Variants in PLSCR5 observed in about 807,000 individuals in gnomAD.
The protein encoded by PLSCR5 is phospholipid scramblase family member 5, also known as phospholipid scramblase family, member 5.
PLSCR5 carries 44 observed loss-of-function variants against 33.6 expected under a neutral mutation model. The ratio of observed to expected loss-of-function variants is 1.31; its 90% CI spans 1.03 to 1.69. The LOEUF is 1.69. PLSCR5 is among the 40% of genes most tolerant of loss of function. The pLI is 0.00. For missense variants in PLSCR5, 375 were observed against 318.7 expected (o/e 1.18, Z -1.34); for synonymous variants, 148 against 112.3 (o/e 1.32, Z -2.01).
At chr3:146,578,023 T>C (rs1479820480) in intron 7 of PLSCR5, among the ~76,000 whole-genome samples, 1 of 152,126 alleles carries the variant, frequency 6.6e-6, no homozygotes. Flanking sequence ...TATGGTATAG[T>C]TTAAAACATT....
chr3:146,591,784 T>C lies in PLSCR5; in HGVS notation c.551A>G (p.Glu184Gly), dbSNP rs751177861. The C allele has an allele frequency of 1.9e-6, 3 of 1,612,176 alleles. No individual in the cohort carries two copies. The highest frequency in any genetic ancestry group is 2.2e-5 in the South Asian group (2 of 90,812). The part of the protein sequence containing the change: ...PKFTIQNANK[E>G]DILKIVGPCV... ...AGGACCAACAATTTTCAAAATATCT[T>C]CTTTGTTTGCATTTTGGATTGTGAA... is the stretch of plus-strand genomic sequence containing the variant. The change falls in exon 5 of 8, where the codon GAA (glutamate) becomes GGA (glycine). Residue 184 changes from glutamate to glycine, a missense_variant. By Grantham distance (98) the Glu-to-Gly change is moderately conservative. Transcript: ENST00000443512.
intron 7 of PLSCR5, among the ~76,000 whole-genome samples, chr3:146,577,387 T>C (rs1038235829): frequency 6.6e-6 from 1 of 152,126 alleles, no homozygotes; most frequent in African/African-American, 2.4e-5. Flanking sequence ...GCGATCAGGA[T>C]GCAACATACA....
intron 6 of PLSCR5, among the ~76,000 whole-genome samples, chr3:146,588,544 T>G (rs181992382): frequency 1.3e-5 from 2 of 150,916 alleles, no homozygotes; most frequent in South Asian, 2.1e-4. Context: ...CACATGCATG[T>G]GCACATGTTC....
exon 8 of PLSCR5, chr3:146,576,559 A>C (rs575931058): frequency 2.1e-4 from 32 of 152,068 alleles, no homozygotes; most frequent in Non-Finnish European, 4.1e-4. Context: ...ACAAAGTAAA[A>C]CAAAGTAATT....
At chr3:146,599,437 C>T (rs2107858237) in intron 2 of PLSCR5, among the ~76,000 whole-genome samples, 1 of 152,060 alleles carries the variant, frequency 6.6e-6, no homozygotes, top group African/African-American at 2.4e-5. Flanking sequence ...AACAACCTCT[C>T]TCTCCTCTAT....
intron 4 of PLSCR5, 28 bp from the exon 5 acceptor site, chr3:146,591,909 G>C (rs1452007855): frequency 6.6e-7 from 1 of 1,520,456 alleles, no homozygotes; most frequent in Admixed American, 2.1e-5. Flanking sequence ...GATAAAATAA[G>C]ATTTTCTTAG....
intron 6 of PLSCR5, among the ~76,000 whole-genome samples, chr3:146,586,351 C>G (rs1427031603): frequency 2.6e-5 from 4 of 152,090 alleles, no homozygotes; most frequent in African/African-American, 9.7e-5. Context: ...ATGGTATTGT[C>G]AAAGTGTTCC....
intron 7 of PLSCR5, among the ~76,000 whole-genome samples, chr3:146,577,334 T>G (rs2044604994): frequency 6.6e-6 from 1 of 152,124 alleles, no homozygotes; most frequent in African/African-American, 2.4e-5. Flanking sequence ...GGGACTTGAC[T>G]CCATGGATGT....
At chr3:146,597,969 A>G (rs1199274237) in intron 2 of PLSCR5, among the ~76,000 whole-genome samples, 1 of 152,148 alleles carries the variant, frequency 6.6e-6, no homozygotes, top group East Asian at 1.9e-4. Context: ...CTTTGACACT[A>G]TACAGTAAAA....
At chr3:146,598,804 C>T (rs1013080401) in intron 2 of PLSCR5, among the ~76,000 whole-genome samples, 24 of 152,178 alleles carry the variant, frequency 1.6e-4, no homozygotes, top group African/African-American at 5.8e-4. Flanking sequence ...GGTAGGTTTG[C>T]GTTTCCAGCT....
chr3:146,598,491 C>A (rs2044782249), intron 2 of PLSCR5, among the ~76,000 whole-genome samples: 1 of 152,098 alleles, frequency 6.6e-6, no homozygotes, highest in South Asian at 2.1e-4. Flanking sequence ...GAATGATTAA[C>A]AAAGGTATAT....
downstream of PLSCR5, among the ~76,000 whole-genome samples, chr3:146,581,278 G>A (rs747670783): frequency 1.4e-4 from 21 of 152,068 alleles, no homozygotes; most frequent in Admixed American, 3.9e-4. Flanking sequence ...CAAGTAATAA[G>A]TTCAGCTTAT....
chr3:146,603,208 T>C (rs1196703535), intron 1 of PLSCR5, among the ~76,000 whole-genome samples: 2 of 152,144 alleles, frequency 1.3e-5, no homozygotes, highest in East Asian at 1.9e-4. Context: ...TTAGTCTGCA[T>C]TCCCTGGGAA....
chr3:146,605,218 T>C lies in PLSCR5; in HGVS notation c.-6A>G. 1 of 1,611,552 alleles carries C rather than the reference T, an allele frequency of 6.2e-7. No individual in the cohort carries two copies. The highest frequency in any genetic ancestry group is 8.5e-7 in the Non-Finnish European group (1 of 1,178,318). On this transcript the variant is annotated 5_prime_UTR_variant, in exon 1 of 8. Transcript: ENST00000443512. ...CTCTTACCTTTAGAGGCCATGAAGA[T>C]GTCTGAGTCACTTCTTCAAAGGTTG...
chr3:146,596,051 A>C (rs999897888), intron 2 of PLSCR5, among the ~76,000 whole-genome samples: 2 of 152,250 alleles, frequency 1.3e-5, no homozygotes, highest in African/African-American at 4.8e-5. Flanking sequence ...TATGTAATTA[A>C]AAATAAAGTT....
intron 3 of PLSCR5, among the ~76,000 whole-genome samples, chr3:146,594,822 C>T (rs1036141238): frequency 3.9e-5 from 6 of 152,018 alleles, no homozygotes; most frequent in Non-Finnish European, 7.4e-5. Flanking sequence ...GGCAATATCA[C>T]CAAAGATTCA....
At chr3:146,583,178 CCATTAAACACTTCTCATAT>C (rs2044645099), downstream of PLSCR5, among the ~76,000 whole-genome samples, 2 of 152,294 alleles carry the variant, frequency 1.3e-5, no homozygotes, top group East Asian at 3.9e-4. Context: ...TTGTCCCTCT[CCATTAAACACTTCTCATAT>C]CTGAAACGTA....
intron 2 of PLSCR5, among the ~76,000 whole-genome samples, chr3:146,599,698 A>G (rs1175856282): frequency 6.8e-6 from 1 of 146,914 alleles, no homozygotes; most frequent in Non-Finnish European, 1.5e-5. Flanking sequence ...TTTTTTTCCA[A>G]GGCAAGTCTC....
chr3:146,604,987 G>A (rs888503427), intron 1 of PLSCR5, among the ~76,000 whole-genome samples: 3 of 151,846 alleles, frequency 2.0e-5, no homozygotes, highest in Admixed American at 6.6e-5. Flanking sequence ...CTAAAACATC[G>A]TTTACATCTG....
Sources: allele counts gnomAD v4.1 joint callset (sites outside exome capture counted in the v4.1 genomes callset), GRCh38; gene constraint gnomAD v4.1.1; transcripts MANE v1.5; gene names NCBI Gene and HGNC (gene_info 2026-07-23, HGNC 2026-07-21).